The following ZHX2 variants were observed in gnomAD, a reference collection of about 807,000 sequenced individuals.
ZHX2 encodes zinc fingers and homeoboxes 2.
ZHX2 carries 6 observed loss-of-function variants against 21.9 expected under a neutral mutation model. That is an observed-to-expected ratio of 0.27 (90% CI 0.15 to 0.54). ZHX2 has a LOEUF of 0.54. Ranked by LOEUF, ZHX2 falls within the 20% of genes least tolerant of loss-of-function variation. ZHX2 has a pLI of 0.95. For missense variants in ZHX2, 908 were observed against 1,090.7 expected, an observed-to-expected ratio of 0.83 and a Z score of 2.36; for synonymous variants, 434 against 437.1, an observed-to-expected ratio of 0.99 and a Z score of 0.09.
At chr8:122,791,924 C>T (rs1316992762) in intron 1 of ZHX2, among the ~76,000 whole-genome samples, 1 of 151,950 alleles carries the variant, frequency 6.6e-6, no homozygotes, top group Non-Finnish European at 1.5e-5. Context: ...AATGCTGTGC[C>T]ATAGGTATTA....
Position 122,899,406 on chromosome 8 carries a change from G to A in ZHX2, c.-220+35867G>A, listed in dbSNP as rs1820174474. ...ACAGATCCTGCGTGGCTCATAGTAG[G>A]TGCTCAATAAATGCATATTAGTGGT... On this transcript the variant is annotated intron_variant, in intron 2 of 3. Transcript: ENST00000314393. Among the ~76,000 whole-genome samples the A allele has an allele frequency of 2.6e-5, 4 of 152,112 alleles. No individual in the cohort carries two copies. In the South Asian group the frequency reaches 8.3e-4, roughly 32 times the overall value.
rs1813776237 is a variant in ZHX2, at chr8:122,973,403, G to A, written c.*166G>A. The stretch of plus-strand genomic sequence containing the variant: ...GGTGCGGGAAGTCCAGCGACTCTCA[G>A]ACGCACCTCCCAGAGGACCGGTGGG... On this transcript the variant is annotated 3_prime_UTR_variant, in exon 4 of 4. Transcript: ENST00000314393. The A allele has an allele frequency of 6.5e-6, 1 of 152,696 alleles. No individual in the cohort carries two copies. The highest frequency in any genetic ancestry group is 1.5e-5 in the Non-Finnish European group (1 of 68,082). 9.5% of individuals were successfully genotyped at this position (152,696 alleles called of 1,614,324 possible).
chr8:122,946,132 A>C (rs975631091), intron 2 of ZHX2, among the ~76,000 whole-genome samples: 1 of 152,130 alleles, frequency 6.6e-6, no homozygotes, highest in Admixed American at 6.5e-5. Flanking sequence ...GTATTCATTC[A>C]TTCACTTATT....
chr8:122,846,338 G>T (rs1202547750), intron 1 of ZHX2, among the ~76,000 whole-genome samples: 1 of 152,190 alleles, frequency 6.6e-6, no homozygotes, highest in Non-Finnish European at 1.5e-5. Context: ...GCGGAGAGCA[G>T]GTCTTATTCT....
intron 3 of ZHX2, among the ~76,000 whole-genome samples, chr8:122,961,212 C>T (rs59835707): frequency 0.012 from 1,752 of 152,294 alleles, 30 homozygotes; most frequent in African/African-American, 0.039. Flanking sequence ...TGTGTCCTCA[C>T]ATAGTCTTTG....
intron 2 of ZHX2, among the ~76,000 whole-genome samples, chr8:122,864,146 G>A (rs1444776960): frequency 6.7e-6 from 1 of 150,046 alleles, no homozygotes; most frequent in East Asian, 1.9e-4. Flanking sequence ...GGGACACGTC[G>A]AAGGGGAGAG....
At chr8:122,917,189 C>T (rs1763940562) in intron 2 of ZHX2, among the ~76,000 whole-genome samples, 1 of 152,144 alleles carries the variant, frequency 6.6e-6, no homozygotes, top group South Asian at 2.1e-4. Flanking sequence ...TGTGGCGTGG[C>T]CTCCAAGCGG....
intron 3 of ZHX2, among the ~76,000 whole-genome samples, chr8:122,955,456 C>A (rs1356861983): frequency 6.6e-6 from 1 of 152,162 alleles, no homozygotes; most frequent in African/African-American, 2.4e-5. Flanking sequence ...TGAACTTGGA[C>A]AACTTTGGCT....
chr8:122,964,574 G>A (rs10093397), intron 3 of ZHX2, among the ~76,000 whole-genome samples: 96,508 of 151,952 alleles, frequency 0.64, 31,490 homozygotes, highest in African/African-American at 0.79. Context: ...TTGCATCTAT[G>A]TCCATCAGGG....
intron 2 of ZHX2, among the ~76,000 whole-genome samples, chr8:122,947,544 G>C (rs1300706374): frequency 6.6e-6 from 1 of 152,230 alleles, no homozygotes; most frequent in East Asian, 1.9e-4. Context: ...CAAGTGGATA[G>C]ACACTTGCTC....
At chr8:122,874,640 C>T (rs1389595122) in intron 2 of ZHX2, among the ~76,000 whole-genome samples, 1 of 152,076 alleles carries the variant, frequency 6.6e-6, no homozygotes, top group Non-Finnish European at 1.5e-5. Context: ...GCCATTGAAT[C>T]TCCATAACCA....
intron 1 of ZHX2, among the ~76,000 whole-genome samples, chr8:122,806,017 C>G (rs1372437808): frequency 6.6e-6 from 1 of 152,208 alleles, no homozygotes; most frequent in East Asian, 1.9e-4. Context: ...AACTCCCATT[C>G]TCATCACTAG....
At chr8:122,955,735 A>G (rs2130309530) in intron 3 of ZHX2, among the ~76,000 whole-genome samples, 1 of 152,152 alleles carries the variant, frequency 6.6e-6, no homozygotes, top group South Asian at 2.1e-4. Flanking sequence ...TGAGGTCACA[A>G]TGACAGCAAC....
intron 2 of ZHX2, among the ~76,000 whole-genome samples, chr8:122,885,770 A>G (rs1414893098): frequency 2.6e-5 from 4 of 152,192 alleles, no homozygotes; most frequent in African/African-American, 9.7e-5. Flanking sequence ...CAGTTCTGCC[A>G]AGGTTGAGAG....
At chr8:122,816,906 G>T (rs956426502) in intron 1 of ZHX2, among the ~76,000 whole-genome samples, 2 of 152,014 alleles carry the variant, frequency 1.3e-5, no homozygotes, top group Admixed American at 1.3e-4. Flanking sequence ...AACAATTCAG[G>T]GTGTATGTTT....
chr8:122,834,007 A>AG (rs1563747168), intron 1 of ZHX2, among the ~76,000 whole-genome samples: 1 of 151,674 alleles, frequency 6.6e-6, no homozygotes, highest in Non-Finnish European at 1.5e-5. Context: ...AAAAAAAAAA[A>AG]AGAGTGAGTG....
At chr8:122,811,555 A>C (rs1238315540) in intron 1 of ZHX2, among the ~76,000 whole-genome samples, 1 of 152,220 alleles carries the variant, frequency 6.6e-6, no homozygotes, top group East Asian at 1.9e-4. Flanking sequence ...ACACTTACCC[A>C]GGGCCAAGGC....
intron 3 of ZHX2, among the ~76,000 whole-genome samples, chr8:122,968,517 A>T: frequency 6.6e-6 from 1 of 152,136 alleles, no homozygotes; most frequent in Middle Eastern, 3.2e-3. Flanking sequence ...CCTACCCTCA[A>T]TAAAAGAAAT....
chr8:122,850,416 T>C (rs1818862095), intron 1 of ZHX2, among the ~76,000 whole-genome samples: 1 of 152,090 alleles, frequency 6.6e-6, no homozygotes, highest in Non-Finnish European at 1.5e-5. Context: ...GACGGGCAGA[T>C]CACCTGAGGT....
Sources: allele counts gnomAD v4.1 joint callset (sites outside exome capture counted in the v4.1 genomes callset), GRCh38; gene constraint gnomAD v4.1.1; transcripts MANE v1.5; gene names NCBI Gene and HGNC (gene_info 2026-07-23, HGNC 2026-07-21).